EPHB2: variants seen among roughly 807,000 people sequenced by gnomAD.
The protein encoded by EPHB2 is ephrin type-B receptor 2.
EPHB2 carries 18 observed loss-of-function variants against 96.4 expected under a neutral mutation model. The observed-to-expected ratio is 0.19, with a 90% CI of 0.13 to 0.28. The LOEUF (loss-of-function observed/expected upper bound fraction) is 0.28. Ranked by LOEUF, EPHB2 falls within the 10% of genes least tolerant of loss-of-function variation. EPHB2 has a pLI of 1.00. For synonymous variants in EPHB2, 506 were observed against 534.1 expected (o/e 0.95, Z 0.72); for missense variants, 989 against 1,355.4 (o/e 0.73, Z 4.25).
chr1:22,726,917 G>C (rs576732197), intron 1 of EPHB2, among the ~76,000 whole-genome samples: 6 of 152,284 alleles, frequency 3.9e-5, no homozygotes, highest in African/African-American at 1.4e-4. Context: ...ATAGTAGATG[G>C]AAAGAAGGGC....
At position 22,752,378 on chromosome 1, in the gene EPHB2, T is replaced by C. The variant is rs145039680; in HGVS notation, c.62-29043T>C. Among the ~76,000 whole-genome samples, 939 of 152,266 alleles carry C rather than the reference T, an allele frequency of 6.2e-3. 9 individuals carry two copies. Among genetic ancestry groups the C allele is most frequent in the East Asian group, 0.039 (200 of 5,184 alleles). ...TGGGCATGGTGGTGTGCACCTGTTA[T>C]CCCAGTTACTTGGGAAGCTGAGGTG... On this transcript the variant is annotated intron_variant, in intron 1 of 15. Transcript: ENST00000374630.
At position 22,839,981 on chromosome 1, in the gene EPHB2, C is replaced by G. The variant is rs79016739; in HGVS notation, c.812-23056C>G. ...CCCGGATAGGGCAGGGACTGGATCTCATTTGTTACTAGCTGGGACTTGAAC... is the reference window on the plus strand; with the variant it reads ...CCCGGATAGGGCAGGGACTGGATCTGATTTGTTACTAGCTGGGACTTGAAC... On this transcript the variant is annotated intron_variant, in intron 3 of 15. Transcript: ENST00000374630. Among the ~76,000 whole-genome samples the G allele has an allele frequency of 2.5e-3, 383 of 152,306 alleles. 1 individual carries two copies. The highest frequency in any genetic ancestry group is 0.01 in the Middle Eastern group (3 of 294).
At chr1:22,727,198 G>A (rs964872369) in intron 1 of EPHB2, among the ~76,000 whole-genome samples, 1 of 152,246 alleles carries the variant, frequency 6.6e-6, no homozygotes. Flanking sequence ...TGGAGGCCAG[G>A]AGGGGCTATA....
At chr1:22,814,471 G>T (rs1645045076) in intron 3 of EPHB2, among the ~76,000 whole-genome samples, 1 of 150,662 alleles carries the variant, frequency 6.6e-6, no homozygotes, top group Non-Finnish European at 1.5e-5. Context: ...CTGGAAAGTG[G>T]GGGGGTGCAA....
At chr1:22,750,041 C>T (rs925432946) in intron 1 of EPHB2, among the ~76,000 whole-genome samples, 1 of 152,108 alleles carries the variant, frequency 6.6e-6, no homozygotes, top group Non-Finnish European at 1.5e-5. Context: ...TTAATAAGCC[C>T]CCAAGGCCCC....
chr1:22,851,456 T>G (rs1421479455), intron 3 of EPHB2, among the ~76,000 whole-genome samples: 2 of 152,208 alleles, frequency 1.3e-5, no homozygotes, highest in African/African-American at 2.4e-5. Flanking sequence ...GGAAGCCAGT[T>G]AGGCTTTTGC....
At chr1:22,898,118 CA>C (rs61075593) in intron 9 of EPHB2, among the ~76,000 whole-genome samples, 5,801 of 63,602 alleles carry the variant, frequency 0.091, 203 homozygotes, top group African/African-American at 0.2. Context: ...GACCCAGTCT[CA>C]AAAAAAAAAA....
intron 5 of EPHB2, among the ~76,000 whole-genome samples, chr1:22,866,306 C>A (rs1043559962): frequency 7.2e-5 from 11 of 152,092 alleles, no homozygotes; most frequent in Non-Finnish European, 4.4e-5. Flanking sequence ...ACTGGGCTCC[C>A]GAGCTGATCT....
chr1:22,713,283 G>A (rs1443786522), intron 1 of EPHB2, among the ~76,000 whole-genome samples: 1 of 152,168 alleles, frequency 6.6e-6, no homozygotes, highest in Admixed American at 6.5e-5. Context: ...GATGGTGTGA[G>A]GTGGAGGTCA....
intron 3 of EPHB2, among the ~76,000 whole-genome samples, chr1:22,825,926 G>A (rs1645216821): frequency 1.3e-5 from 2 of 152,220 alleles, no homozygotes; most frequent in South Asian, 4.1e-4. Context: ...GAGAGTCCAG[G>A]ATCTGAGTCA....
chr1:22,808,142 G>A (rs577216353), intron 3 of EPHB2, among the ~76,000 whole-genome samples: 7,626 of 149,032 alleles, frequency 0.051, 610 homozygotes, highest in African/African-American at 0.17. Context: ...AAAAAAAAAA[G>A]AAAAAGAAAA....
At chr1:22,781,394 G>A (rs1415339752) in intron 1 of EPHB2, 27 bp from the exon 2 acceptor site, 5 of 1,611,508 alleles carry the variant, frequency 3.1e-6, no homozygotes, top group African/African-American at 2.7e-5. Flanking sequence ...GGTGGGGCGG[G>A]GTGGTGACTC....
chr1:22,736,947 G>A (rs544861202), intron 1 of EPHB2, among the ~76,000 whole-genome samples: 2 of 152,284 alleles, frequency 1.3e-5, no homozygotes, highest in South Asian at 4.1e-4. Flanking sequence ...GGCTCTCTGG[G>A]TGGAGTCAGA....
At chr1:22,754,566 G>A (rs897219356) in intron 1 of EPHB2, among the ~76,000 whole-genome samples, 5 of 151,506 alleles carry the variant, frequency 3.3e-5, no homozygotes, top group South Asian at 4.2e-4. Context: ...AAGGTGGCGC[G>A]AGGTGTGCAG....
chr1:22,730,594 G>A (rs953103693), intron 1 of EPHB2, among the ~76,000 whole-genome samples: 2 of 152,010 alleles, frequency 1.3e-5, no homozygotes, highest in Non-Finnish European at 1.5e-5. Flanking sequence ...AGGAGGTGAC[G>A]TTTGAGCAGA....
At chr1:22,782,722 A>G (rs1464191254) in intron 2 of EPHB2, among the ~76,000 whole-genome samples, 1 of 152,154 alleles carries the variant, frequency 6.6e-6, no homozygotes, top group Non-Finnish European at 1.5e-5. Flanking sequence ...TAAGTTCTGA[A>G]GAAGAGCAGC....
At chr1:22,747,992 A>T (rs1644001609) in intron 1 of EPHB2, among the ~76,000 whole-genome samples, 1 of 152,226 alleles carries the variant, frequency 6.6e-6, no homozygotes, top group African/African-American at 2.4e-5. Flanking sequence ...GCCTGGCAGG[A>T]TAGCATGGTA....
At chr1:22,725,990 ATC>A (rs1300655628) in intron 1 of EPHB2, among the ~76,000 whole-genome samples, 1 of 152,154 alleles carries the variant, frequency 6.6e-6, no homozygotes, top group Admixed American at 6.6e-5. Context: ...CTCCAGACTG[ATC>A]TGTTTCTGTT....
At chr1:22,730,076 G>T (rs1033431847) in intron 1 of EPHB2, among the ~76,000 whole-genome samples, 1 of 152,232 alleles carries the variant, frequency 6.6e-6, no homozygotes, top group Non-Finnish European at 1.5e-5. Context: ...GCCCCAGGGT[G>T]GGGGTGTGGG....
Sources: allele counts gnomAD v4.1 joint callset (sites outside exome capture counted in the v4.1 genomes callset), GRCh38; gene constraint gnomAD v4.1.1; transcripts MANE v1.5; gene names NCBI Gene and HGNC (gene_info 2026-07-23, HGNC 2026-07-21).